PTCHD4: variants seen among roughly 807,000 people sequenced by gnomAD.
The protein encoded by PTCHD4 is patched domain-containing protein 4.
In PTCHD4, 33 loss-of-function variants were observed where a neutral mutation model predicts 58.1. The observed-to-expected ratio is 0.57, with a 90% CI of 0.43 to 0.76. PTCHD4 has a LOEUF of 0.76. Among genes scored for constraint, PTCHD4 ranks in the 30% least tolerant of loss-of-function variants. PTCHD4 has a pLI of 0.00. For missense variants in PTCHD4, 1,058 were observed against 1,027.1 expected, an observed-to-expected ratio of 1.03 and a Z score of -0.41; for synonymous variants, 478 against 409.6, an observed-to-expected ratio of 1.17 and a Z score of -2.02.
intron 1 of PTCHD4, among the ~76,000 whole-genome samples, chr6:48,098,779 T>G (rs1364854739): frequency 6.6e-6 from 1 of 152,192 alleles, no homozygotes; most frequent in Non-Finnish European, 1.5e-5. Context: ...TCCAGAGATG[T>G]CCCCATCCTG....
chr6:47,946,129 A>G (rs576157724), intron 4 of PTCHD4, among the ~76,000 whole-genome samples: 2 of 152,210 alleles, frequency 1.3e-5, no homozygotes, highest in African/African-American at 2.4e-5. Context: ...GGTCCAGATC[A>G]TAGTCAATTT....
chr6:48,038,222 C>A (rs1763714436), intron 3 of PTCHD4, among the ~76,000 whole-genome samples: 1 of 152,024 alleles, frequency 6.6e-6, no homozygotes, highest in African/African-American at 2.4e-5. Flanking sequence ...TTAATTACCA[C>A]CCACTGTTCT....
chr6:47,934,350 AT>A lies in PTCHD4; in HGVS notation c.899-54415del, dbSNP rs60444060. Among the ~76,000 whole-genome samples, 10 of 152,210 alleles carry A rather than the reference AT, an allele frequency of 6.6e-5. No homozygotes were observed. In the East Asian group the frequency reaches 1.9e-3, roughly 29 times the overall value. ...CCACTCAAATTGTCTGCAAGCCTGAATTTTCGTGGCCATGGAACAAAGAACC... is the reference window on the plus strand; with the variant it reads ...CCACTCAAATTGTCTGCAAGCCTGAATTTCGTGGCCATGGAACAAAGAACC... On this transcript the variant is annotated intron_variant, in intron 4 of 4. Coordinates refer to ENST00000339488, the MANE Select transcript of PTCHD4 (RefSeq NM_001384253.1).
rs1426329084 is a variant in PTCHD4 at position 47,876,371 on chromosome 6, C to T, written c.*1932G>A. ...TCATTTCCTGTTGAAACCCAATTAC[C>T]TCAAGGTAAAACAAAACAAACTCCA... is the stretch of plus-strand genomic sequence containing the variant. On this transcript the variant is annotated 3_prime_UTR_variant, in exon 5 of 5. Transcript: ENST00000339488. Among the ~76,000 whole-genome samples the T allele has an allele frequency of 6.6e-6, 1 of 151,880 alleles. No individual in the cohort carries two copies. The highest frequency in any genetic ancestry group is 1.5e-5 in the Non-Finnish European group (1 of 67,930).
Position 47,862,108 on chromosome 6 carries a change from A to G in PTCHD4, c.*16195T>C, listed in dbSNP as rs984249096. ...TTGGTAAGAGATATTTGACTTACAT[A>G]TTGTGTGTAACTCTGATTGGAGTTT... is the stretch of plus-strand genomic sequence containing the variant. On this transcript the variant is annotated 3_prime_UTR_variant, in exon 5 of 5. Transcript: ENST00000339488. 6.6e-6 allele frequency among the ~76,000 whole-genome samples: 1 copy of G among 151,912 alleles called. No individual in the cohort carries two copies. Among genetic ancestry groups the G allele is most frequent in the Non-Finnish European group, 1.5e-5 (1 of 67,866 alleles).
At chr6:48,070,123 T>TTGTGTGTG (rs66484270) in intron 1 of PTCHD4, among the ~76,000 whole-genome samples, 197 bp from the exon 2 acceptor site, 11 of 146,736 alleles carry the variant, frequency 7.5e-5, no homozygotes, top group African/African-American at 2.5e-4. Flanking sequence ...AAGTGTGTGT[T>TTGTGTGTG]TGTGTGTGTG....
At chr6:47,908,945 A>G (rs1462808240) in intron 4 of PTCHD4, among the ~76,000 whole-genome samples, 1 of 152,210 alleles carries the variant, frequency 6.6e-6, no homozygotes, top group Non-Finnish European at 1.5e-5. Flanking sequence ...TAGAAAAGAC[A>G]CAACGCTTTG....
At chr6:48,042,453 A>G (rs332588) in intron 3 of PTCHD4, among the ~76,000 whole-genome samples, 88,787 of 151,770 alleles carry the variant, frequency 0.59, 26,139 homozygotes, top group East Asian at 0.72. Flanking sequence ...AATATAATAC[A>G]GGGCACCTCC....
intron 1 of PTCHD4, among the ~76,000 whole-genome samples, chr6:48,086,053 C>T (rs1765258346): frequency 6.6e-6 from 1 of 151,736 alleles, no homozygotes. Flanking sequence ...CAGCAATATT[C>T]ACAGCATCCG....
chr6:48,068,680 C>A lies in PTCHD4; in HGVS notation c.6-39G>T. On this transcript the variant is annotated intron_variant, in intron 2 of 4. Transcript: ENST00000339488. This position sits in a 1 kb window ranked among gnomAD's most constrained non-coding sequence, Gnocchi z 4.2. ...TGTGACATGTGTAAGCGCCGGGCTA[C>A]CCCGTTCTCCCCCATCCCACCCCCT... 6.7e-7 allele frequency: 1 copy of A among 1,500,994 alleles called. No individual in the cohort carries two copies. Among genetic ancestry groups the A allele is most frequent in the Non-Finnish European group, 8.9e-7 (1 of 1,128,144 alleles). The allele number at this position is 1,500,994 out of a possible 1,614,324, so 93.0% of individuals were successfully genotyped here.
rs1763805305 is a variant in PTCHD4 at position 47,874,802 on chromosome 6, T to G, written c.*3501A>C. On this transcript the variant is annotated 3_prime_UTR_variant, in exon 5 of 5. Transcript: ENST00000339488. ...TACTCATGCACAGCCTTCAAAGAGG[T>G]TCATAGTAACTGCAAGAATTCCTGG... is the stretch of plus-strand genomic sequence containing the variant. Among the ~76,000 whole-genome samples, 1 of 151,648 alleles carries G rather than the reference T, an allele frequency of 6.6e-6. No individual in the cohort carries two copies. The highest frequency in any genetic ancestry group is 2.1e-4 in the South Asian group (1 of 4,824).
rs1303858413 is a variant in PTCHD4, at chr6:47,866,283, C to T, written c.*12020G>A. On this transcript the variant is annotated 3_prime_UTR_variant, in exon 5 of 5. Coordinates refer to ENST00000339488, the MANE Select transcript of PTCHD4 (RefSeq NM_001384253.1). ...CCACTGTTTTTCAAATTGAGCCACA[C>T]ATTGAAATCACTATGGGAACTCCCA... Among the ~76,000 whole-genome samples, 1 of 151,876 alleles carries T rather than the reference C, an allele frequency of 6.6e-6. No homozygotes were observed. Among genetic ancestry groups the T allele is most frequent in the Non-Finnish European group, 1.5e-5 (1 of 67,870 alleles).
At chr6:48,066,823 T>C (rs1764813803) in intron 3 of PTCHD4, among the ~76,000 whole-genome samples, 1 of 151,754 alleles carries the variant, frequency 6.6e-6, no homozygotes, top group South Asian at 2.1e-4. Flanking sequence ...AAGCAGGTTA[T>C]AAGGTTTCCC....
At chr6:48,043,048 G>A (rs559777133) in intron 3 of PTCHD4, among the ~76,000 whole-genome samples, 10 of 151,914 alleles carry the variant, frequency 6.6e-5, no homozygotes, top group Non-Finnish European at 1.3e-4. Flanking sequence ...CAGAGAGACA[G>A]TATCGGTGAC....
chr6:48,030,890 T>C (rs1763414076), intron 3 of PTCHD4, among the ~76,000 whole-genome samples: 1 of 152,118 alleles, frequency 6.6e-6, no homozygotes, highest in African/African-American at 2.4e-5. Context: ...TGACTGCTTG[T>C]ACCATCCAGC....
chr6:47,920,227 G>A (rs768102927), intron 4 of PTCHD4, among the ~76,000 whole-genome samples: 6 of 152,074 alleles, frequency 3.9e-5, no homozygotes, highest in Non-Finnish European at 7.4e-5. Context: ...GATTGGATTT[G>A]GGATATAATT....
intron 4 of PTCHD4, among the ~76,000 whole-genome samples, chr6:47,911,933 G>C (rs1371875354): frequency 1.3e-5 from 2 of 152,064 alleles, no homozygotes; most frequent in Non-Finnish European, 2.9e-5. Flanking sequence ...GGATAGTGGA[G>C]GAGGATTCAA....
Position 47,916,650 on chromosome 6 carries a change from T to TACACACACACACAC in PTCHD4, c.899-36728_899-36715dup, listed in dbSNP as rs147208530. 4.3e-3 allele frequency among the ~76,000 whole-genome samples: 655 copies of TACACACACACACAC among 150,816 alleles called. 5 individuals carry two copies. The highest frequency in any genetic ancestry group is 0.013 in the African/African-American group (543 of 41,144). On this transcript the variant is annotated intron_variant, in intron 4 of 4. Coordinates refer to ENST00000339488, the MANE Select transcript of PTCHD4 (RefSeq NM_001384253.1). ...TGAACCCCCAGTTCAGACACACACA[T>TACACACACACACAC]ACACACACACACACAAACACACACA...
At position 47,876,285 on chromosome 6, in the gene PTCHD4, A is replaced by C. The variant is rs150161253; in HGVS notation, c.*2018T>G. On this transcript the variant is annotated 3_prime_UTR_variant, in exon 5 of 5. Coordinates refer to ENST00000339488, the MANE Select transcript of PTCHD4 (RefSeq NM_001384253.1). ...AATAACCCTATGATTATGGGCAATA[A>C]TTTTCCCCACTCAAATCTATAGATA... Among the ~76,000 whole-genome samples the C allele has an allele frequency of 1.3e-5, 2 of 151,962 alleles. No individual in the cohort carries two copies. Among genetic ancestry groups the C allele is most frequent in the African/African-American group, 2.4e-5 (1 of 41,512 alleles).
Sources: gnomAD v4.1 joint callset for allele counts (sites outside exome capture counted in the v4.1 genomes callset) on GRCh38, gnomAD v4.1.1 for gene constraint, Gnocchi (gnomAD v3.1) non-coding constraint, MANE v1.5 for transcripts, NCBI Gene and HGNC (gene_info 2026-07-23, HGNC 2026-07-21) for gene names.